The following SLX4IP variants were observed in gnomAD, a reference collection of about 807,000 sequenced individuals.
SLX4IP encodes protein SLX4IP.
In SLX4IP, 34 loss-of-function variants were observed where a neutral mutation model predicts 32.9. The observed-to-expected ratio is 1.03, with a 90% CI of 0.79 to 1.38. The LOEUF (loss-of-function observed/expected upper bound fraction) is 1.38. SLX4IP is among the 40% of genes most tolerant of loss of function. The probability of loss-of-function intolerance (pLI) is 0.00; values close to 1 mark genes in which losing one functional copy is unlikely to be tolerated. For synonymous variants in SLX4IP, 172 were observed against 171.7 expected (o/e 1.00, Z -0.01); for missense variants, 444 against 479.0 (o/e 0.93, Z 0.68).
rs965783742 is a variant in SLX4IP, at chr20:10,489,650, A to G, written c.27+31419A>G. The stretch of plus-strand genomic sequence containing the variant: ...TCCCTCTCCTCAACGTGCTAGCACA[A>G]GAGTAAGGGGTCAGGTTAGGCTTAG... On this transcript the variant is annotated intron_variant, in intron 2 of 7. Transcript: ENST00000334534. 3.3e-5 allele frequency among the ~76,000 whole-genome samples: 5 copies of G among 152,198 alleles called. No individual in the cohort carries two copies. The East Asian group carries it at 5.8e-4, about 18-fold the overall frequency.
At chr20:10,521,083 C>A (rs529586795) in intron 2 of SLX4IP, among the ~76,000 whole-genome samples, 6 of 152,316 alleles carry the variant, frequency 3.9e-5, no homozygotes, top group Admixed American at 3.9e-4. Context: ...GTATTTACTG[C>A]AGAGCCAGGC....
At chr20:10,495,538 T>G (rs2065659754) in intron 2 of SLX4IP, among the ~76,000 whole-genome samples, 1 of 152,200 alleles carries the variant, frequency 6.6e-6, no homozygotes, top group African/African-American at 2.4e-5. Flanking sequence ...TATTAATGTT[T>G]TTGCTTAAAT....
At chr20:10,443,401 G>T (rs1293398357) in intron 1 of SLX4IP, among the ~76,000 whole-genome samples, 1 of 152,134 alleles carries the variant, frequency 6.6e-6, no homozygotes, top group Non-Finnish European at 1.5e-5. Context: ...TAATTCAGTG[G>T]GCTAAGCGTG....
chr20:10,540,120 C>G (rs1270202766), intron 2 of SLX4IP, among the ~76,000 whole-genome samples: 1 of 146,184 alleles, frequency 6.8e-6, no homozygotes, highest in Non-Finnish European at 1.5e-5. Context: ...TCCTTCCTTC[C>G]TTCCTTCCTT....
intron 2 of SLX4IP, among the ~76,000 whole-genome samples, chr20:10,461,690 G>A (rs2065339617): frequency 6.6e-6 from 1 of 152,182 alleles, no homozygotes; most frequent in Non-Finnish European, 1.5e-5. Context: ...TTCTTCCCAG[G>A]GAACACTGCT....
At chr20:10,447,250 C>CAAA (rs1348283893) in intron 1 of SLX4IP, among the ~76,000 whole-genome samples, 7 of 152,130 alleles carry the variant, frequency 4.6e-5, no homozygotes, top group African/African-American at 1.7e-4. Flanking sequence ...GTGGAGTCTG[C>CAAA]CCCCTCTGCC....
chr20:10,437,983 A>G (rs1471441590), intron 1 of SLX4IP, among the ~76,000 whole-genome samples: 1 of 152,222 alleles, frequency 6.6e-6, no homozygotes, highest in Non-Finnish European at 1.5e-5. Context: ...TGAACGTTAG[A>G]TAAATTCATA....
At chr20:10,505,753 ATATG>A (rs2065753913) in intron 2 of SLX4IP, among the ~76,000 whole-genome samples, 2 of 151,928 alleles carry the variant, frequency 1.3e-5, no homozygotes, top group Admixed American at 6.6e-5. Context: ...CTTCTATTTA[ATATG>A]TTTGTCTGTA....
chr20:10,481,997 T>G (rs2065526412), intron 2 of SLX4IP, among the ~76,000 whole-genome samples: 1 of 152,142 alleles, frequency 6.6e-6, no homozygotes, highest in African/African-American at 2.4e-5. Context: ...GAAGCCACAG[T>G]CTTTTTGAAA....
chr20:10,592,354 C>A (rs948013937), intron 4 of SLX4IP, among the ~76,000 whole-genome samples: 5 of 122,994 alleles, frequency 4.1e-5, no homozygotes, highest in African/African-American at 2.0e-4. Flanking sequence ...CAACCCCCCC[C>A]CATCACCAGC....
At position 10,534,529 on chromosome 20, in the gene SLX4IP, G is replaced by A. The variant is rs982342185; in HGVS notation, c.28-21702G>A. Among the ~76,000 whole-genome samples the A allele has an allele frequency of 1.6e-4, 25 of 152,190 alleles. 1 individual carries two copies. The highest frequency in any genetic ancestry group is 3.7e-4 in the Non-Finnish European group (25 of 68,036). ...AGCCTTAGAAGGTTTCCGTAAAGAA[G>A]GAGCCTCGAGTCAAGCCTGAGCCTA... On this transcript the variant is annotated intron_variant, in intron 2 of 7. Transcript: ENST00000334534.
intron 2 of SLX4IP, among the ~76,000 whole-genome samples, chr20:10,534,383 G>C (rs1050588696): frequency 1.3e-5 from 2 of 152,192 alleles, no homozygotes; most frequent in African/African-American, 2.4e-5. Flanking sequence ...TTGTCTCTTG[G>C]AGGAAGCTGG....
intron 4 of SLX4IP, among the ~76,000 whole-genome samples, chr20:10,573,004 A>G (rs577332733): frequency 3.9e-5 from 6 of 152,288 alleles, no homozygotes; most frequent in South Asian, 2.1e-4. Flanking sequence ...AATTTTTCCT[A>G]TTCTTTCCTC....
intron 2 of SLX4IP, among the ~76,000 whole-genome samples, chr20:10,520,559 T>C (rs1390269201): frequency 6.6e-6 from 1 of 152,214 alleles, no homozygotes; most frequent in East Asian, 1.9e-4. Context: ...GTCACTTGTT[T>C]TTGTATCATA....
At chr20:10,617,652 C>CTTTTTTTT (rs549525000) in intron 6 of SLX4IP, among the ~76,000 whole-genome samples, 26 of 112,744 alleles carry the variant, frequency 2.3e-4, no homozygotes, top group East Asian at 4.9e-4. Flanking sequence ...TTCTTTCTTT[C>CTTTTTTTT]TTTTTTTTTT....
chr20:10,588,681 T>C (rs1013847626), intron 4 of SLX4IP, among the ~76,000 whole-genome samples: 1 of 152,178 alleles, frequency 6.6e-6, no homozygotes, highest in African/African-American at 2.4e-5. Flanking sequence ...GTGATCTCAC[T>C]TGTATGTAGA....
intron 5 of SLX4IP, 36 bp from the exon 6 acceptor site, chr20:10,601,695 G>T: frequency 1.3e-6 from 2 of 1,567,920 alleles, no homozygotes; most frequent in South Asian, 2.2e-5. Flanking sequence ...ATAGTTTTTT[G>T]ACACCTTTAA....
intron 4 of SLX4IP, among the ~76,000 whole-genome samples, chr20:10,567,791 A>G (rs765169674): frequency 7.9e-5 from 12 of 152,226 alleles, no homozygotes; most frequent in Non-Finnish European, 1.6e-4. Context: ...CTTATAGGCC[A>G]CATAGACCCA....
At chr20:10,452,891 T>TA (rs944705271) in intron 1 of SLX4IP, among the ~76,000 whole-genome samples, 8 of 150,566 alleles carry the variant, frequency 5.3e-5, no homozygotes, top group African/African-American at 1.5e-4. Context: ...AAAATTTTAT[T>TA]AAAAAAAAAG....
Sources: gnomAD v4.1 joint callset for allele counts (sites outside exome capture counted in the v4.1 genomes callset) on GRCh38, gnomAD v4.1.1 for gene constraint, MANE v1.5 for transcripts, NCBI Gene and HGNC (gene_info 2026-07-23, HGNC 2026-07-21) for gene names.